Variants in DNAJC2 observed in about 807,000 individuals in gnomAD.
DNAJC2 encodes dnaJ homolog subfamily C member 2.
DNAJC2 carries 32 observed loss-of-function variants against 94.0 expected under a neutral mutation model. The observed-to-expected ratio is 0.34, with a 90% CI of 0.26 to 0.46. The LOEUF is 0.46. DNAJC2 is among the 20% of genes least tolerant of loss of function. The pLI is 1.00. For missense variants in DNAJC2, 550 were observed against 719.5 expected (o/e 0.76, Z 2.69); for synonymous variants, 210 against 229.7 (o/e 0.91, Z 0.77).
intron 15 of DNAJC2, 80 bp from the exon 16 acceptor site, chr7:103,313,181 A>G: frequency 6.7e-7 from 1 of 1,485,886 alleles, no homozygotes; most frequent in Non-Finnish European, 8.9e-7. Context: ...AGTATTCGCT[A>G]AGTGCCCATT....
chr7:103,327,893 G>A (rs1013512326), intron 3 of DNAJC2, 139 bp from the exon 4 acceptor site: 6 of 548,308 alleles, frequency 1.1e-5, no homozygotes, highest in Admixed American at 3.6e-5. Context: ...CTTATTCAAT[G>A]TGAAAATTAT....
chr7:103,339,452 C>A (rs1363247415), intron 2 of DNAJC2, among the ~76,000 whole-genome samples: 1 of 152,212 alleles, frequency 6.6e-6, no homozygotes, highest in Non-Finnish European at 1.5e-5. Flanking sequence ...ATTTTCTTTA[C>A]TACCCAGCTT....
intron 3 of DNAJC2, chr7:103,336,252 C>T (rs1489773566): frequency 6.6e-6 from 1 of 152,214 alleles, no homozygotes; most frequent in Admixed American, 6.5e-5. Context: ...AGAAAGAATT[C>T]TTTCACCTTA....
intron 3 of DNAJC2, among the ~76,000 whole-genome samples, chr7:103,331,286 A>G (rs561600353): frequency 1.3e-5 from 2 of 152,240 alleles, no homozygotes; most frequent in Admixed American, 6.5e-5. Context: ...TGATACATGC[A>G]TAAACCACGT....
intron 4 of DNAJC2, 75 bp from the exon 5 acceptor site, chr7:103,326,759 T>G (rs1298316126): frequency 7.1e-7 from 1 of 1,400,832 alleles, no homozygotes; most frequent in Non-Finnish European, 9.6e-7. Context: ...AGTATTTCCC[T>G]CCTTAAAACA....
chr7:103,331,980 T>A (rs1294660615), intron 3 of DNAJC2, among the ~76,000 whole-genome samples: 2 of 150,520 alleles, frequency 1.3e-5, no homozygotes, highest in African/African-American at 4.9e-5. Flanking sequence ...CAACAGTGTA[T>A]AAAAATTCCC....
chr7:103,327,175 T>C (rs935686571), intron 4 of DNAJC2, among the ~76,000 whole-genome samples: 7 of 151,992 alleles, frequency 4.6e-5, no homozygotes, highest in Non-Finnish European at 1.0e-4. Flanking sequence ...TGTATGTAAA[T>C]AGCAATAAGT....
chr7:103,327,679 T>A lies in DNAJC2; in HGVS notation c.407A>T (p.Asp136Val). 1 of 1,608,798 alleles carries A rather than the reference T, an allele frequency of 6.2e-7. No individual in the cohort carries two copies. ...ACCTTTAGTTATGCAAGTGAAGTAGTCATTATCTCCTTCTTTTATTGGTTC... is the reference window on the plus strand; with the variant it reads ...ACCTTTAGTTATGCAAGTGAAGTAGACATTATCTCCTTCTTTTATTGGTTC... ...AGEPIKEGDNDYFTCITKAYE... is the reference protein window; with the variant it reads ...AGEPIKEGDNVYFTCITKAYE... The change falls in exon 4 of 17, where the codon GAC becomes GTC. Residue 136 changes from aspartate (D) to valine (V), a missense_variant. Asp to Val is a radical substitution (Grantham distance 152). Coordinates refer to ENST00000379263, the MANE Select transcript of DNAJC2 (RefSeq NM_014377.3).
At chr7:103,323,495 A>G (rs1339645792) in intron 7 of DNAJC2, 103 bp downstream of exon 7, 25 of 1,202,386 alleles carry the variant, frequency 2.1e-5, no homozygotes, top group Non-Finnish European at 2.8e-5. Flanking sequence ...AAAGATGTAC[A>G]AAGAGAAAAT....
intron 7 of DNAJC2, among the ~76,000 whole-genome samples, chr7:103,323,271 G>C (rs1818521205): frequency 6.6e-6 from 1 of 151,736 alleles, no homozygotes; most frequent in African/African-American, 2.4e-5. Flanking sequence ...GTTATTTTTT[G>C]CACATTCATG....
chr7:103,313,379 C>T, intron 15 of DNAJC2: 1 of 1,112,950 alleles, frequency 9.0e-7, no homozygotes, highest in Middle Eastern at 3.9e-4. Context: ...CAATGTAATA[C>T]ACTCACCAGA....
At chr7:103,343,220 C>G (rs1247722600) in intron 1 of DNAJC2, among the ~76,000 whole-genome samples, 1 of 151,962 alleles carries the variant, frequency 6.6e-6, no homozygotes, top group East Asian at 1.9e-4. Context: ...AGGCTGGTCT[C>G]GAACTGCTGA....
chr7:103,340,075 T>A (rs1239497795), intron 2 of DNAJC2, among the ~76,000 whole-genome samples: 2 of 152,208 alleles, frequency 1.3e-5, no homozygotes, highest in African/African-American at 2.4e-5. Context: ...TGACCTCGGG[T>A]GATCTGCCCG....
intron 16 of DNAJC2, 55 bp downstream of exon 16, chr7:103,312,892 A>G (rs907672742): frequency 2.5e-6 from 4 of 1,571,936 alleles, no homozygotes; most frequent in Non-Finnish European, 3.4e-6. Flanking sequence ...TATGAGCTAT[A>G]TCACCCAAGC....
At position 103,316,985 on chromosome 7, in the gene DNAJC2, T is replaced by C; in HGVS notation, c.1272A>G (p.Lys424=). 1.2e-6 allele frequency: 2 copies of C among 1,613,692 alleles called. No homozygotes were observed. The highest frequency in any genetic ancestry group is 1.7e-6 in the Non-Finnish European group (2 of 1,179,996). Residue 424 remains lysine, a synonymous_variant, in exon 13 of 17, where the codon AAA becomes AAG. Coordinates refer to ENST00000379263, the MANE Select transcript of DNAJC2 (RefSeq NM_014377.3). Reference sequence around the variant, plus strand: ...TACGAGCCTCAGCTTCCTCTTTCTCTTTTCTGATTTGCTCATTTATTTCTT... The same window carrying C: ...TACGAGCCTCAGCTTCCTCTTTCTCCTTTCTGATTTGCTCATTTATTTCTT... ...QIEEINEQIR[K]EKEEAEARMR...
intron 15 of DNAJC2, chr7:103,314,258 C>T: frequency 1.0e-6 from 1 of 985,406 alleles, no homozygotes; most frequent in Non-Finnish European, 1.2e-6. Flanking sequence ...CTGCTGTTCT[C>T]CAGTTACTTC....
chr7:103,343,241 T>C (rs1332973158), intron 1 of DNAJC2, among the ~76,000 whole-genome samples: 2 of 152,108 alleles, frequency 1.3e-5, no homozygotes, highest in African/African-American at 4.8e-5. Context: ...CCTCAGGTGA[T>C]CCACCTGCCT....
At chr7:103,326,792 T>C in intron 4 of DNAJC2, 108 bp from the exon 5 acceptor site, 1 of 1,167,520 alleles carries the variant, frequency 8.6e-7, no homozygotes, top group Non-Finnish European at 1.2e-6. Flanking sequence ...ATTTTCATAT[T>C]TGAAAATTTT....
At chr7:103,314,397 A>G in intron 15 of DNAJC2, 1 of 985,418 alleles carries the variant, frequency 1.0e-6, no homozygotes, top group Non-Finnish European at 1.2e-6. Flanking sequence ...TCCATAAAAG[A>G]GGCAAAGGAG....
Sources: gnomAD v4.1 joint callset for allele counts (sites outside exome capture counted in the v4.1 genomes callset) on GRCh38, gnomAD v4.1.1 for gene constraint, MANE v1.5 for transcripts, NCBI Gene and HGNC (gene_info 2026-07-23, HGNC 2026-07-21) for gene names.